The following CES1 variants were observed in gnomAD, a reference collection of about 807,000 sequenced individuals.
CES1 encodes carboxylesterase 1, also known as liver carboxylesterase 1.
In CES1, 50 loss-of-function variants were observed where a neutral mutation model predicts 53.0. The observed-to-expected ratio is 0.94, with a 90% CI of 0.75 to 1.19. CES1 has a LOEUF of 1.19. Among genes scored for constraint, CES1 ranks in the 50% most tolerant of loss-of-function variants. The pLI is 0.00. For missense variants in CES1, 534 were observed against 538.0 expected (o/e 0.99, Z 0.07); for synonymous variants, 202 against 210.1 (o/e 0.96, Z 0.33).
intron 2 of CES1, among the ~76,000 whole-genome samples, chr16:55,828,483 T>C (rs567202365): frequency 2.0e-5 from 3 of 152,336 alleles, no homozygotes; most frequent in African/African-American, 7.2e-5. Flanking sequence ...ATTGTTCTTA[T>C]CTGTCTCCCC....
Position 55,822,804 on chromosome 16 carries a change from A to G in CES1, c.539+746T>C, listed in dbSNP as rs1299776296. Among the ~76,000 whole-genome samples the G allele has an allele frequency of 1.3e-5, 2 of 152,048 alleles. 1 individual carries two copies. Among genetic ancestry groups the G allele is most frequent in the African/African-American group, 4.8e-5 (2 of 41,376 alleles). On this transcript the variant is annotated intron_variant, in intron 4 of 13. Coordinates refer to ENST00000360526, the MANE Select transcript of CES1 (RefSeq NM_001025195.2). ...TGAGTGGCCATCTGCTGCTGCTGGG[A>G]AGTCCTGAGAGGTTGGGTGGAGAGC...
intron 2 of CES1, among the ~76,000 whole-genome samples, chr16:55,828,547 A>G (rs1252790114): frequency 1.3e-5 from 2 of 152,118 alleles, no homozygotes; most frequent in Non-Finnish European, 2.9e-5. Context: ...TCACTAATGG[A>G]TCCCAAGAAC....
rs769156458 is a variant in CES1 at position 55,828,298 on chromosome 16, A to G, written c.260+469T>C. 109 of 305,120 alleles carry G rather than the reference A, an allele frequency of 3.6e-4. 1 individual carries two copies. The highest frequency in any genetic ancestry group is 1.1e-3 in the Middle Eastern group (1 of 878). The allele number at this position is 305,120 out of a possible 1,614,324, so 18.9% of individuals were successfully genotyped here. Reference sequence around the variant, plus strand: ...ACTTGCCGAGTGGACACCTCAGTACACTTGCCACCCACACACCTCCTGGCC... The same window carrying G: ...ACTTGCCGAGTGGACACCTCAGTACGCTTGCCACCCACACACCTCCTGGCC... On this transcript the variant is annotated intron_variant, in intron 2 of 13. Transcript: ENST00000360526.
chr16:55,810,797 G>A (rs2031655466), intron 10 of CES1, 130 bp downstream of exon 10: 10 of 1,408,082 alleles, frequency 7.1e-6, no homozygotes, highest in African/African-American at 2.9e-5. Flanking sequence ...AAATGAAGTG[G>A]GAAAGGTGGA....
At chr16:55,828,642 T>C (rs151279649) in intron 2 of CES1, 125 bp downstream of exon 2, 22,227 of 1,070,738 alleles carry the variant, frequency 0.021, 334 homozygotes, top group Middle Eastern at 0.037. Context: ...TTCTGGAATG[T>C]TCTTAAGGAT....
At chr16:55,812,118 T>C (rs1274556758) in intron 9 of CES1, among the ~76,000 whole-genome samples, 1 of 152,236 alleles carries the variant, frequency 6.6e-6, no homozygotes, top group Non-Finnish European at 1.5e-5. Flanking sequence ...ATTTCCCCTA[T>C]TGCAATCATA....
intron 9 of CES1, among the ~76,000 whole-genome samples, chr16:55,811,547 G>A (rs2031699390): frequency 6.6e-6 from 1 of 152,172 alleles, no homozygotes; most frequent in Admixed American, 6.5e-5. Flanking sequence ...TCTGCACTCA[G>A]GGACTCGACC....
chr16:55,823,064 G>GC (rs1378396930), intron 4 of CES1, among the ~76,000 whole-genome samples: 2 of 152,102 alleles, frequency 1.3e-5, no homozygotes, highest in Non-Finnish European at 2.9e-5. Flanking sequence ...CCCACAGGAA[G>GC]GGGTCAGATG....
chr16:55,809,107 A>AAAAAAAAAAAAAAAG (rs2031567730), intron 11 of CES1, among the ~76,000 whole-genome samples: 1 of 149,826 alleles, frequency 6.7e-6, no homozygotes, highest in Non-Finnish European at 1.5e-5. Flanking sequence ...AAAAAAAAAA[A>AAAAAAAAAAAAAAAG]AAAAGCCCTG....
chr16:55,832,008 G>C (rs4784571), intron 1 of CES1, among the ~76,000 whole-genome samples: 3,964 of 149,514 alleles, frequency 0.027, 1 homozygote, highest in East Asian at 0.12. Context: ...TCCCTCCCAG[G>C]GTCCAGCCAC....
chr16:55,821,741 G>A (rs1457318176), intron 4 of CES1, among the ~76,000 whole-genome samples: 18 of 152,180 alleles, frequency 1.2e-4, no homozygotes, highest in South Asian at 4.1e-4. Context: ...TATGCCTGAC[G>A]CTGTCTTATG....
intron 11 of CES1, among the ~76,000 whole-genome samples, chr16:55,808,742 T>A (rs1287219187): frequency 6.6e-6 from 1 of 152,180 alleles, no homozygotes; most frequent in Non-Finnish European, 1.5e-5. Context: ...AGGATATGAA[T>A]ATTAAAGTCT....
intron 2 of CES1, among the ~76,000 whole-genome samples, chr16:55,828,497 C>A (rs1395304913): frequency 2.0e-5 from 3 of 152,160 alleles, no homozygotes; most frequent in Non-Finnish European, 4.4e-5. Context: ...TCTCCCCCTG[C>A]TAGAATGCAC....
rs796439654 is a variant in CES1, at chr16:55,821,916, G to C, written c.540-395C>G. Among the ~76,000 whole-genome samples the C allele has an allele frequency of 4.6e-5, 7 of 152,318 alleles. 1 individual carries two copies. The highest frequency in any genetic ancestry group is 1.7e-4 in the African/African-American group (7 of 41,558). ...TGGAGTAAGGAAAAAAACAGGAGTG[G>C]GACAGGGGGTGCCATTTCAGATCCC... On this transcript the variant is annotated intron_variant, in intron 4 of 13. Coordinates refer to ENST00000360526, the MANE Select transcript of CES1 (RefSeq NM_001025195.2).
At chr16:55,809,116 T>C (rs1464598616) in intron 11 of CES1, among the ~76,000 whole-genome samples, 1 of 40,266 alleles carries the variant, frequency 2.5e-5, no homozygotes, top group Non-Finnish European at 7.3e-5. Flanking sequence ...AAAAAAGCCC[T>C]GAACTTAAAG....
rs781276659 is a variant in CES1 at position 55,821,540 on chromosome 16, G to T, written c.540-19C>A. On this transcript the variant is annotated intron_variant, in intron 4 of 13. Coordinates refer to ENST00000360526, the MANE Select transcript of CES1 (RefSeq NM_001025195.2). Reference sequence around the variant, plus strand: ...CCCTGTGCTGTGAGGAAGAGAACAGGTTGAGGGTGGGGAGCAGAGATGTCA... The same window carrying T: ...CCCTGTGCTGTGAGGAAGAGAACAGTTTGAGGGTGGGGAGCAGAGATGTCA... 1.2e-5 allele frequency: 20 copies of T among 1,614,000 alleles called. No individual in the cohort carries two copies. Among genetic ancestry groups the T allele is most frequent in the Admixed American group, 5.0e-5 (3 of 60,008 alleles).
chr16:55,815,923 C>T (rs1430203516), intron 8 of CES1, among the ~76,000 whole-genome samples: 2 of 152,304 alleles, frequency 1.3e-5, no homozygotes, highest in Admixed American at 1.3e-4. Context: ...CTGCCCATTA[C>T]CTCTTTAGCC....
intron 1 of CES1, among the ~76,000 whole-genome samples, chr16:55,830,833 G>GAAGGAAGGAAGGAAA (rs2032632931): frequency 6.6e-6 from 1 of 150,810 alleles, no homozygotes; most frequent in Admixed American, 6.6e-5. Context: ...CAGGCAGGCA[G>GAAGGAAGGAAGGAAA]GCAGGCAGGC....
At chr16:55,830,819 A>AGGCAGGCAGGCAGGC (rs1555514162) in intron 1 of CES1, among the ~76,000 whole-genome samples, 6 of 127,356 alleles carry the variant, frequency 4.7e-5, no homozygotes, top group African/African-American at 1.7e-4. Flanking sequence ...GGAAGGAAGG[A>AGGCAGGCAGGCAGGC]AGGCAGGCAG....
Sources: allele counts gnomAD v4.1 joint callset (sites outside exome capture counted in the v4.1 genomes callset), GRCh38; gene constraint gnomAD v4.1.1; transcripts MANE v1.5; gene names NCBI Gene and HGNC (gene_info 2026-07-23, HGNC 2026-07-21).